LRBA: variants seen among roughly 807,000 people sequenced by gnomAD.
LRBA encodes the protein LPS responsive beige-like anchor protein.
In LRBA, 176 loss-of-function variants were observed where a neutral mutation model predicts 330.0. The ratio of observed to expected loss-of-function variants is 0.53; its 90% CI spans 0.47 to 0.60. The LOEUF (loss-of-function observed/expected upper bound fraction) is 0.60. Among genes scored for constraint, LRBA ranks in the 20% least tolerant of loss-of-function variants. The pLI is 0.00. For synonymous variants in LRBA, 1,230 were observed against 1,193.0 expected (o/e 1.03, Z -0.64); for missense variants, 3,259 against 3,444.8 (o/e 0.95, Z 1.35).
chr4:151,003,222 C>T (rs1224630601), intron 2 of LRBA, among the ~76,000 whole-genome samples: 1 of 151,762 alleles, frequency 6.6e-6, no homozygotes, highest in Non-Finnish European at 1.5e-5. Flanking sequence ...TGGTGAAACC[C>T]CATTTCCACT....
intron 34 of LRBA, among the ~76,000 whole-genome samples, chr4:150,789,765 T>G (rs1426154561): frequency 6.6e-6 from 1 of 152,110 alleles, no homozygotes; most frequent in South Asian, 2.1e-4. Flanking sequence ...ATTCCTTAAC[T>G]TCAGTAGATT....
Position 150,321,659 on chromosome 4 carries a change from C to T in LRBA, c.7453-291G>A, listed in dbSNP as rs1189419593. Reference sequence around the variant, plus strand: ...AGCTCCCTTTCCCTCCCCACTGCCACGAAAAACTAAAAGAATGATTTGATT... The same window carrying T: ...AGCTCCCTTTCCCTCCCCACTGCCATGAAAAACTAAAAGAATGATTTGATT... On this transcript the variant is annotated intron_variant, in intron 49 of 56. Transcript: ENST00000651943. The surrounding 1 kb of genome is among the most constrained non-coding windows in gnomAD (Gnocchi z 4.5). 2.0e-5 allele frequency among the ~76,000 whole-genome samples: 3 copies of T among 151,944 alleles called. No individual in the cohort carries two copies. The highest frequency in any genetic ancestry group is 4.4e-5 in the Non-Finnish European group (3 of 67,960).
At chr4:150,884,452 A>G (rs1189804832) in intron 17 of LRBA, among the ~76,000 whole-genome samples, 1 of 152,248 alleles carries the variant, frequency 6.6e-6, no homozygotes, top group East Asian at 1.9e-4. Context: ...ATAAGTAGCC[A>G]CAACTTTGAA....
chr4:151,007,143 T>G lies in LRBA; in HGVS notation c.216+7284A>C, dbSNP rs1579478895. Among the ~76,000 whole-genome samples the G allele has an allele frequency of 2.6e-5, 4 of 152,320 alleles. No homozygotes were observed. In the South Asian group the frequency reaches 8.3e-4, roughly 32 times the overall value. ...TTGAGTCCAGATAAATCCTTACATT[T>G]ATGCTCAACTGATTTTTGACAAAAG... On this transcript the variant is annotated intron_variant, in intron 2 of 56. Transcript: ENST00000651943.
At chr4:150,289,880 C>A (rs963129531) in intron 53 of LRBA, among the ~76,000 whole-genome samples, 4 of 152,144 alleles carry the variant, frequency 2.6e-5, no homozygotes, top group Admixed American at 1.3e-4. Context: ...TGTTTAAGTT[C>A]AATGGACATT....
chr4:150,737,285 C>A (rs1468056960), intron 35 of LRBA, among the ~76,000 whole-genome samples: 1 of 152,040 alleles, frequency 6.6e-6, no homozygotes, highest in Admixed American at 6.6e-5. Flanking sequence ...CATAGTGAAA[C>A]CCTGTCTCTA....
chr4:150,907,154 A>G (rs1361439344), intron 11 of LRBA, among the ~76,000 whole-genome samples: 1 of 143,526 alleles, frequency 7.0e-6, no homozygotes, highest in Non-Finnish European at 1.5e-5. Flanking sequence ...AGAGAGAGAG[A>G]GAGAAAGCAT....
chr4:150,516,217 C>CTTTTTTTTTTTTTTTTTTTTTTTT (rs869205771), intron 40 of LRBA, among the ~76,000 whole-genome samples: 1 of 29,410 alleles, frequency 3.4e-5, no homozygotes, highest in African/African-American at 8.2e-5. Context: ...TTTCTATTCT[C>CTTTTTTTTTTTTTTTTTTTTTTTT]TTTTTTTTTT....
chr4:150,372,328 G>C (rs1337711848), intron 47 of LRBA, among the ~76,000 whole-genome samples: 1 of 151,806 alleles, frequency 6.6e-6, no homozygotes, highest in Non-Finnish European at 1.5e-5. Context: ...TGAAAATGTT[G>C]GCTGGGCATG....
chr4:150,459,958 T>C (rs936139657), intron 44 of LRBA, among the ~76,000 whole-genome samples: 2 of 151,926 alleles, frequency 1.3e-5, no homozygotes, highest in Non-Finnish European at 2.9e-5. Flanking sequence ...TTTGGTAAGC[T>C]TGAATTCCTT....
chr4:150,462,558 G>A (rs888527386), intron 44 of LRBA, among the ~76,000 whole-genome samples: 2 of 151,582 alleles, frequency 1.3e-5, no homozygotes, highest in Admixed American at 6.6e-5. Flanking sequence ...AAAGGATGCT[G>A]ATTACATTAA....
intron 35 of LRBA, among the ~76,000 whole-genome samples, chr4:150,742,254 G>A (rs1732112835): frequency 6.7e-6 from 1 of 150,038 alleles, no homozygotes; most frequent in Non-Finnish European, 1.5e-5. Context: ...CAAGTGATCT[G>A]CCTACCTCAG....
rs909277969 is a variant in LRBA, at chr4:150,546,822, TG to T, written c.6330+41225del. On this transcript the variant is annotated intron_variant, in intron 40 of 56. Transcript: ENST00000651943. ...ATATAGTAGAACAAAGCAATGTCCC[TG>T]GTCAGCTCTCTACATTGGTTTTAAT... Among the ~76,000 whole-genome samples the T allele has an allele frequency of 1.2e-4, 18 of 152,196 alleles. No individual in the cohort carries two copies. The South Asian group carries it at 3.7e-3, about 31-fold the overall frequency.
intron 36 of LRBA, among the ~76,000 whole-genome samples, chr4:150,710,674 T>A (rs1177989391): frequency 6.6e-6 from 1 of 152,134 alleles, no homozygotes; most frequent in Admixed American, 6.6e-5. Context: ...TTCTTCTTTT[T>A]CAGATAATTA....
chr4:150,806,674 T>C (rs1742842695), intron 32 of LRBA, among the ~76,000 whole-genome samples: 1 of 152,010 alleles, frequency 6.6e-6, no homozygotes, highest in East Asian at 1.9e-4. Context: ...ACCTGGCCAG[T>C]TAAGAGCAGT....
chr4:150,962,158 A>G (rs1738217580), intron 2 of LRBA, among the ~76,000 whole-genome samples: 1 of 149,422 alleles, frequency 6.7e-6, no homozygotes. Flanking sequence ...TTGGAATTCA[A>G]TTTTTTTCTA....
intron 36 of LRBA, among the ~76,000 whole-genome samples, chr4:150,709,309 C>T (rs1237329473): frequency 1.3e-5 from 2 of 151,910 alleles, no homozygotes; most frequent in Admixed American, 6.6e-5. Context: ...GCCAACAATG[C>T]GCCTTGAAAT....
In LRBA at chr4:150,406,283, T is replaced by C. The variant is rs538586507; in HGVS notation, c.7194+9155A>G. ...TATAGAACTCTCTACTAGATGAGAT[T>C]TCTTTACATGTGCTGATCTATTTCT... On this transcript the variant is annotated intron_variant, in intron 47 of 56. Transcript: ENST00000651943. 5.9e-5 allele frequency among the ~76,000 whole-genome samples: 9 copies of C among 152,288 alleles called. No individual in the cohort carries two copies. The South Asian group carries it at 1.2e-3, about 21-fold the overall frequency.
chr4:150,450,487 A>G (rs1360185236), intron 44 of LRBA, among the ~76,000 whole-genome samples: 1 of 152,070 alleles, frequency 6.6e-6, no homozygotes, highest in East Asian at 1.9e-4. Context: ...ATCTCCTTCC[A>G]TCGTCATATA....
Sources: gnomAD v4.1 joint callset for allele counts (sites outside exome capture counted in the v4.1 genomes callset) on GRCh38, gnomAD v4.1.1 for gene constraint, Gnocchi (gnomAD v3.1) non-coding constraint, MANE v1.5 for transcripts, NCBI Gene and HGNC (gene_info 2026-07-23, HGNC 2026-07-21) for gene names.